SFMBT2: variants seen among roughly 807,000 people sequenced by gnomAD.
SFMBT2 encodes scm-like with four MBT domains protein 2.
In SFMBT2, 38 loss-of-function variants were observed where a neutral mutation model predicts 110.1. The observed-to-expected ratio is 0.35, with a 90% CI of 0.27 to 0.45. The LOEUF is 0.45. SFMBT2 is among the 20% of genes least tolerant of loss of function. The pLI is 1.00. For synonymous variants in SFMBT2, 425 were observed against 425.4 expected (o/e 1.00, Z 0.01); for missense variants, 1,011 against 1,094.9 (o/e 0.92, Z 1.08).
chr10:7,298,620 T>G (rs1322503723), intron 4 of SFMBT2, among the ~76,000 whole-genome samples: 1 of 152,228 alleles, frequency 6.6e-6, no homozygotes, highest in Non-Finnish European at 1.5e-5. Flanking sequence ...TGTCTGTATG[T>G]GCGTCTATGT....
intron 4 of SFMBT2, among the ~76,000 whole-genome samples, chr10:7,347,499 T>C (rs1040978493): frequency 6.6e-6 from 1 of 151,780 alleles, no homozygotes; most frequent in Non-Finnish European, 1.5e-5. Context: ...AGAGAATCCA[T>C]GAAGAAAGGA....
intron 4 of SFMBT2, among the ~76,000 whole-genome samples, chr10:7,322,245 G>A (rs558116483): frequency 6.6e-6 from 1 of 152,312 alleles, no homozygotes; most frequent in East Asian, 1.9e-4. Context: ...TCTCTTGCCT[G>A]CCACCATGTA....
chr10:7,266,950 A>T (rs79693949), intron 7 of SFMBT2, among the ~76,000 whole-genome samples: 1,895 of 152,318 alleles, frequency 0.012, 21 homozygotes, highest in Non-Finnish European at 0.021. Context: ...CAATCTGGAA[A>T]TGTGGCTGAT....
intron 4 of SFMBT2, among the ~76,000 whole-genome samples, chr10:7,298,259 G>A (rs542934864): frequency 4.1e-4 from 62 of 152,254 alleles, no homozygotes; most frequent in African/African-American, 1.4e-3. Flanking sequence ...CTTCTCCTTC[G>A]AGTCTCGCTC....
At chr10:7,383,260 T>C (rs1845478160) in intron 1 of SFMBT2, among the ~76,000 whole-genome samples, 1 of 152,108 alleles carries the variant, frequency 6.6e-6, no homozygotes, top group South Asian at 2.1e-4. Flanking sequence ...TCCCAGCTAC[T>C]TGGGAGGCTG....
chr10:7,354,209 A>G (rs140213067), intron 4 of SFMBT2, among the ~76,000 whole-genome samples: 5 of 152,290 alleles, frequency 3.3e-5, no homozygotes, highest in African/African-American at 1.2e-4. Context: ...TGTTTATCCT[A>G]TCCAATTTCT....
At chr10:7,343,142 G>T (rs1342935233) in intron 4 of SFMBT2, among the ~76,000 whole-genome samples, 1 of 151,164 alleles carries the variant, frequency 6.6e-6, no homozygotes, top group Non-Finnish European at 1.5e-5. Flanking sequence ...GCAGCATCTG[G>T]TTTTCTGTTC....
intron 4 of SFMBT2, among the ~76,000 whole-genome samples, chr10:7,321,836 A>T (rs896905919): frequency 2.6e-5 from 4 of 152,220 alleles, no homozygotes; most frequent in African/African-American, 4.8e-5. Context: ...ATAATTTCTT[A>T]CATTTGCAAT....
chr10:7,247,954 T>A (rs1241188704), intron 8 of SFMBT2, among the ~76,000 whole-genome samples: 4 of 152,214 alleles, frequency 2.6e-5, no homozygotes, highest in Admixed American at 2.6e-4. Flanking sequence ...GCTCAAGGGA[T>A]CCTTCCACCT....
chr10:7,402,198 G>T (rs1846099954), intron 1 of SFMBT2, among the ~76,000 whole-genome samples: 2 of 151,860 alleles, frequency 1.3e-5, no homozygotes, highest in South Asian at 4.2e-4. Flanking sequence ...AGATACAAAT[G>T]CTTCCTCTAT....
intron 2 of SFMBT2, among the ~76,000 whole-genome samples, chr10:7,378,122 G>A (rs1845303411): frequency 6.6e-6 from 1 of 150,602 alleles, no homozygotes; most frequent in African/African-American, 2.4e-5. Flanking sequence ...TGGATGATGG[G>A]TGTGAGTGTG....
chr10:7,329,448 T>C (rs949902196), intron 4 of SFMBT2: 2 of 985,160 alleles, frequency 2.0e-6, no homozygotes, highest in Non-Finnish European at 2.4e-6. Flanking sequence ...ACAAAAGCGG[T>C]GAGGGAACTG....
chr10:7,227,731 T>C, intron 10 of SFMBT2, 124 bp downstream of exon 10: 1 of 769,506 alleles, frequency 1.3e-6, no homozygotes, highest in Non-Finnish European at 2.1e-6. Flanking sequence ...ACTACAGACA[T>C]TTTGTAGTTC....
intron 1 of SFMBT2, among the ~76,000 whole-genome samples, chr10:7,382,474 AAG>A (rs759560419): frequency 5.3e-5 from 8 of 152,316 alleles, no homozygotes; most frequent in Admixed American, 1.3e-4. Flanking sequence ...GTCAACAATA[AAG>A]GTCTCGGCGT....
At chr10:7,364,646 C>T (rs1844832463) in intron 4 of SFMBT2, among the ~76,000 whole-genome samples, 1 of 152,210 alleles carries the variant, frequency 6.6e-6, no homozygotes, top group Admixed American at 6.5e-5. Context: ...AAGGGCCTTT[C>T]AAGATTCAAG....
intron 15 of SFMBT2, chr10:7,189,258 G>T: frequency 1.3e-6 from 1 of 746,936 alleles, no homozygotes; most frequent in Non-Finnish European, 1.6e-6. Context: ...TAATACTAGG[G>T]CAACCCTCTG....
chr10:7,332,971 A>T (rs1843609286), intron 4 of SFMBT2, among the ~76,000 whole-genome samples: 1 of 152,100 alleles, frequency 6.6e-6, no homozygotes, highest in Non-Finnish European at 1.5e-5. Flanking sequence ...GGTTCAAGTG[A>T]TTCTCCTGCC....
intron 4 of SFMBT2, among the ~76,000 whole-genome samples, chr10:7,304,460 G>C (rs1185479659): frequency 6.6e-6 from 1 of 152,094 alleles, no homozygotes; most frequent in Non-Finnish European, 1.5e-5. Context: ...AGTGAAAATG[G>C]ACTAATACAC....
intron 15 of SFMBT2, among the ~76,000 whole-genome samples, chr10:7,192,586 G>T (rs1452448844): frequency 6.6e-6 from 1 of 152,214 alleles, no homozygotes; most frequent in Non-Finnish European, 1.5e-5. Context: ...AGACTCCCCA[G>T]ATGTGAGAAC....
Sources: gnomAD v4.1 joint callset for allele counts (sites outside exome capture counted in the v4.1 genomes callset) on GRCh38, gnomAD v4.1.1 for gene constraint, MANE v1.5 for transcripts, NCBI Gene and HGNC (gene_info 2026-07-23, HGNC 2026-07-21) for gene names.